Variants in PPM1E observed in about 807,000 individuals in gnomAD.
The protein encoded by PPM1E is protein phosphatase, Mg2+/Mn2+ dependent 1E, also known as protein phosphatase 1E.
PPM1E carries 20 observed loss-of-function variants against 65.9 expected under a neutral mutation model. The observed-to-expected ratio is 0.30, with a 90% CI of 0.21 to 0.44. The LOEUF (loss-of-function observed/expected upper bound fraction) is 0.44. PPM1E is among the 20% of genes least tolerant of loss of function. The pLI, the probability that PPM1E is intolerant of heterozygous loss-of-function variation, is 1.00. For synonymous variants in PPM1E, 352 were observed against 374.9 expected, an observed-to-expected ratio of 0.94 and a Z score of 0.70; for missense variants, 713 against 953.1, an observed-to-expected ratio of 0.75 and a Z score of 3.32.
rs1567824135 is a variant in PPM1E, at chr17:58,755,970, C to T, written c.-28C>T. ...TTCCTGGGCTTCCCCCAACCCCTTT[C>T]CCGGTCTGCCCTGGGGCATGAGCAG... is the stretch of plus-strand genomic sequence containing the variant. On this transcript the variant is annotated 5_prime_UTR_variant, in exon 1 of 7. Coordinates refer to ENST00000308249, the MANE Select transcript of PPM1E (RefSeq NM_014906.5). 6.2e-7 allele frequency: 1 copy of T among 1,613,530 alleles called. No individual in the cohort carries two copies. Among genetic ancestry groups the T allele is most frequent in the Non-Finnish European group, 8.5e-7 (1 of 1,179,652 alleles).
chr17:58,841,851 G>A (rs776015274), intron 1 of PPM1E, among the ~76,000 whole-genome samples: 16 of 152,100 alleles, frequency 1.1e-4, no homozygotes, highest in Non-Finnish European at 2.2e-4. Context: ...AGGACTACAG[G>A]TGTGCACCAC....
At chr17:58,920,503 A>G (rs2051738073) in intron 1 of PPM1E, among the ~76,000 whole-genome samples, 1 of 152,146 alleles carries the variant, frequency 6.6e-6, no homozygotes, top group Admixed American at 6.6e-5. Flanking sequence ...TTTAACTCCA[A>G]CAGGACCTTG....
intron 1 of PPM1E, among the ~76,000 whole-genome samples, chr17:58,843,288 G>A (rs1218485264): frequency 2.0e-5 from 3 of 148,054 alleles, no homozygotes; most frequent in Non-Finnish European, 3.0e-5. Flanking sequence ...ATTGCACCAC[G>A]GCACTCCAGC....
At chr17:58,955,601 CT>C in intron 1 of PPM1E, 47 bp from the exon 2 acceptor site, 1 of 1,593,514 alleles carries the variant, frequency 6.3e-7, no homozygotes. Flanking sequence ...AAATGTATTA[CT>C]TTCTAATTCT....
intron 1 of PPM1E, chr17:58,951,270 A>G (rs929294838): frequency 1.3e-5 from 2 of 152,168 alleles, no homozygotes; most frequent in African/African-American, 2.4e-5. Flanking sequence ...GTTCTGGCCT[A>G]TAGTGCATTA....
chr17:58,890,609 G>T (rs1171856808), intron 1 of PPM1E, among the ~76,000 whole-genome samples: 1 of 151,908 alleles, frequency 6.6e-6, no homozygotes, highest in African/African-American at 2.4e-5. Context: ...ATATAATGAG[G>T]ATCAACTGTA....
intron 6 of PPM1E, 99 bp from the exon 7 acceptor site, chr17:58,979,875 C>T: frequency 1.1e-6 from 1 of 918,484 alleles, no homozygotes; most frequent in Non-Finnish European, 1.6e-6. Context: ...GTTCACAATC[C>T]AGTAAGCTGT....
intron 1 of PPM1E, among the ~76,000 whole-genome samples, chr17:58,812,005 G>A (rs1400284844): frequency 6.6e-6 from 1 of 151,882 alleles, no homozygotes; most frequent in African/African-American, 2.4e-5. Flanking sequence ...TTTTGTGTTT[G>A]CAGTTCATAT....
intron 1 of PPM1E, among the ~76,000 whole-genome samples, chr17:58,835,344 C>A (rs1008245708): frequency 2.6e-5 from 4 of 152,078 alleles, no homozygotes; most frequent in African/African-American, 9.7e-5. Context: ...GACCCTGTCT[C>A]AAATAAAGTA....
chr17:58,812,895 C>G (rs1182761056), intron 1 of PPM1E, among the ~76,000 whole-genome samples: 1 of 152,102 alleles, frequency 6.6e-6, no homozygotes, highest in Non-Finnish European at 1.5e-5. Flanking sequence ...TAGATTTCCT[C>G]AAGTCTTTTC....
rs560178794 is a variant in PPM1E, at chr17:58,846,314, C to T, written c.464+89853C>T. ...CTTTAAATTCTAGGGTACATGTGCACAACATGCAGGTTTGTTACATATGTA... is the reference window on the plus strand; with the variant it reads ...CTTTAAATTCTAGGGTACATGTGCATAACATGCAGGTTTGTTACATATGTA... On this transcript the variant is annotated intron_variant, in intron 1 of 6. Coordinates refer to ENST00000308249, the MANE Select transcript of PPM1E (RefSeq NM_014906.5). 2.0e-5 allele frequency among the ~76,000 whole-genome samples: 3 copies of T among 152,166 alleles called. No homozygotes were observed. In the South Asian group the frequency reaches 6.2e-4, roughly 32 times the overall value.
intron 1 of PPM1E, among the ~76,000 whole-genome samples, chr17:58,767,240 A>G (rs2049889653): frequency 6.6e-6 from 1 of 152,140 alleles, no homozygotes; most frequent in South Asian, 2.1e-4. Flanking sequence ...ACCTCTTTTA[A>G]TCATCATAAA....
At chr17:58,849,728 C>A (rs184461955) in intron 1 of PPM1E, among the ~76,000 whole-genome samples, 2 of 152,170 alleles carry the variant, frequency 1.3e-5, no homozygotes, top group South Asian at 4.1e-4. Flanking sequence ...TGATGTGGTG[C>A]TGAGAACAAT....
intron 1 of PPM1E, among the ~76,000 whole-genome samples, chr17:58,798,850 T>G (rs965288447): frequency 2.0e-5 from 3 of 151,992 alleles, no homozygotes; most frequent in Admixed American, 2.0e-4. Flanking sequence ...CATGCCACCA[T>G]GCTCGGCTAA....
intron 1 of PPM1E, among the ~76,000 whole-genome samples, chr17:58,943,703 A>C (rs1281256959): frequency 6.6e-6 from 1 of 152,186 alleles, no homozygotes; most frequent in African/African-American, 2.4e-5. Flanking sequence ...AGGCTTATTG[A>C]GTCAGAAACT....
chr17:58,969,405 A>G (rs1358058439), intron 3 of PPM1E, 134 bp from the exon 4 acceptor site: 1 of 874,628 alleles, frequency 1.1e-6, no homozygotes, highest in African/African-American at 1.6e-5. Flanking sequence ...AGAGAAGGAA[A>G]ACATTTAGTC....
intron 1 of PPM1E, among the ~76,000 whole-genome samples, chr17:58,781,075 AAAAG>A (rs959544950): frequency 1.3e-5 from 2 of 152,106 alleles, no homozygotes; most frequent in African/African-American, 2.4e-5. Context: ...TAAGATTTAT[AAAAG>A]ATTGGTATAA....
chr17:58,776,325 C>G (rs930304874), intron 1 of PPM1E, among the ~76,000 whole-genome samples: 1 of 151,340 alleles, frequency 6.6e-6, no homozygotes, highest in African/African-American at 2.4e-5. Flanking sequence ...GACCCTGTCT[C>G]CAAAAAAAAG....
chr17:58,818,040 A>G (rs980751640), intron 1 of PPM1E, among the ~76,000 whole-genome samples: 4 of 151,890 alleles, frequency 2.6e-5, no homozygotes, highest in African/African-American at 9.7e-5. Context: ...CGCCCGGCCC[A>G]CTCTAGTTTT....
Sources: gnomAD v4.1 joint callset for allele counts (sites outside exome capture counted in the v4.1 genomes callset) on GRCh38, gnomAD v4.1.1 for gene constraint, MANE v1.5 for transcripts, NCBI Gene and HGNC (gene_info 2026-07-23, HGNC 2026-07-21) for gene names.